The following SMARCA4 variants were observed in gnomAD, a reference collection of about 807,000 sequenced individuals.
The protein encoded by SMARCA4 is SWI/SNF related BAF chromatin remodeling complex subunit ATPase 4, also known as SWI/SNF-related matrix-associated actin-dependent regulator of chromatin subfamily A member 4.
In SMARCA4, 31 loss-of-function variants were observed where a neutral mutation model predicts 193.9. That is an observed-to-expected ratio of 0.16 (90% CI 0.12 to 0.22). The LOEUF is 0.22. SMARCA4 is among the 10% of genes least tolerant of loss of function. SMARCA4 has a pLI of 1.00. For missense variants in SMARCA4, 1,148 were observed against 2,296.0 expected (o/e 0.50, Z 10.22); for synonymous variants, 942 against 933.1 (o/e 1.01, Z -0.17).
chr19:11,032,945 A>C lies in SMARCA4; in HGVS notation c.3547-345A>C, dbSNP rs115522848. 2,114 of 404,850 alleles carry C rather than the reference A, an allele frequency of 5.2e-3. 30 individuals carry two copies. The highest frequency in any genetic ancestry group is 0.024 in the African/African-American group (1,198 of 49,034). 25.1% of individuals were successfully genotyped at this position (404,850 alleles called of 1,614,324 possible). A position where few individuals can be genotyped will look rare whatever the true frequency, so the allele number is the denominator to read the frequency against. On this transcript the variant is annotated intron_variant, in intron 25 of 34. Coordinates refer to ENST00000344626, the MANE Select transcript of SMARCA4 (RefSeq NM_003072.5). Reference sequence around the variant, plus strand: ...GGCCCCCTGTTGTAAATGGTGCTCGACTGTGTAGGTCCACGCTGTGGGGAG... The same window carrying C: ...GGCCCCCTGTTGTAAATGGTGCTCGCCTGTGTAGGTCCACGCTGTGGGGAG...
chr19:11,041,089 G>T lies in SMARCA4; in HGVS notation c.4171-218G>T, dbSNP rs2075578267. 1.8e-6 allele frequency: 1 copy of T among 560,204 alleles called. No individual in the cohort carries two copies. The highest frequency in any genetic ancestry group is 2.9e-5 in the East Asian group (1 of 34,286). The allele number at this position is 560,204 out of a possible 1,614,324, so 34.7% of individuals were successfully genotyped here. A position where few individuals can be genotyped will look rare whatever the true frequency, so the allele number is the denominator to read the frequency against. On this transcript the variant is annotated intron_variant, in intron 29 of 34. Transcript: ENST00000344626. The surrounding 1 kb of genome is among the most constrained non-coding windows in gnomAD (Gnocchi z 5.6). Reference sequence around the variant, plus strand: ...CATTAGTTTTTTAAAGACAAGCTTGGGTGGGGTGCCTGCTGGGGGCAGTGC... The same window carrying T: ...CATTAGTTTTTTAAAGACAAGCTTGTGTGGGGTGCCTGCTGGGGGCAGTGC...
At chr19:10,991,037 G>A in intron 7 of SMARCA4, 113 bp from the exon 8 acceptor site, 1 of 1,536,844 alleles carries the variant, frequency 6.5e-7, no homozygotes, top group South Asian at 1.2e-5. Context: ...GGGTGTGTAA[G>A]GCACTTACAA....
intron 30 of SMARCA4, among the ~76,000 whole-genome samples, chr19:11,052,659 T>A (rs552040869): frequency 1.3e-5 from 2 of 152,320 alleles, no homozygotes; most frequent in East Asian, 3.9e-4. Flanking sequence ...CACTCAGGAT[T>A]CCAGGACCTC....
chr19:11,015,219 A>T (rs527859697), intron 16 of SMARCA4, among the ~76,000 whole-genome samples: 2 of 152,230 alleles, frequency 1.3e-5, no homozygotes, highest in East Asian at 3.8e-4. Flanking sequence ...GAAAACCAGG[A>T]AGATAACATG....
chr19:11,055,220 C>T lies in SMARCA4; in HGVS notation c.4425-3035C>T, dbSNP rs189085623. On this transcript the variant is annotated intron_variant, in intron 30 of 34. Transcript: ENST00000344626. ...TTGTTTGTTTTTTGAGACAGAGTCT[C>T]ACTCTGTCGCCCAGGCTAGAATGCA... Among the ~76,000 whole-genome samples, 230 of 152,240 alleles carry T rather than the reference C, an allele frequency of 1.5e-3. 1 individual carries two copies. Among genetic ancestry groups the T allele is most frequent in the Non-Finnish European group, 2.6e-3 (175 of 67,996 alleles).
rs1016086502 is a variant in SMARCA4, at chr19:11,031,133, C to T, written c.3546+240C>T. The T allele has an allele frequency of 2.7e-5, 15 of 545,468 alleles. 1 individual carries two copies. The highest frequency in any genetic ancestry group is 2.0e-4 in the South Asian group (10 of 49,944). 33.8% of individuals were successfully genotyped at this position (545,468 alleles called of 1,614,324 possible). Reference sequence around the variant, plus strand: ...TTGGGAAAGCAGTGTATAAGCCATCCGTCGGTTTGGTTTTTCTTAAATCTT... The same window carrying T: ...TTGGGAAAGCAGTGTATAAGCCATCTGTCGGTTTGGTTTTTCTTAAATCTT... On this transcript the variant is annotated intron_variant, in intron 25 of 34. Transcript: ENST00000344626. The surrounding 1 kb of genome is among the most constrained non-coding windows in gnomAD (Gnocchi z 4.3).
intron 1 of SMARCA4, among the ~76,000 whole-genome samples, chr19:10,980,369 T>A (rs1400364618): frequency 6.6e-6 from 1 of 152,174 alleles, no homozygotes; most frequent in Non-Finnish European, 1.5e-5. Context: ...TTCAGTGTAC[T>A]CTGTTTTTCC....
intron 30 of SMARCA4, among the ~76,000 whole-genome samples, chr19:11,055,785 G>A (rs2076513231): frequency 6.6e-6 from 1 of 152,084 alleles, no homozygotes; most frequent in South Asian, 2.1e-4. Context: ...ATAGAAATGG[G>A]GTTTTGCCAT....
At chr19:11,059,392 T>G (rs1306435050) in intron 32 of SMARCA4, among the ~76,000 whole-genome samples, 1 of 152,222 alleles carries the variant, frequency 6.6e-6, no homozygotes, top group Non-Finnish European at 1.5e-5. Context: ...AAAAAAGACT[T>G]GACTTTGATG....
Position 11,019,755 on chromosome 19 carries a change from G to A in SMARCA4, c.2616+54G>A, listed in dbSNP as rs45565139. On this transcript the variant is annotated intron_variant, in intron 18 of 34. Coordinates refer to ENST00000344626, the MANE Select transcript of SMARCA4 (RefSeq NM_003072.5). This position sits in a 1 kb window ranked among gnomAD's most constrained non-coding sequence, Gnocchi z 6.1. ...CCATGGGCCGAGTGCTCACACGTGG[G>A]TCACGCTGCCCGTCTCCTCCAAAGC... is the stretch of plus-strand genomic sequence containing the variant. The A allele has an allele frequency of 0.029, 36,713 of 1,256,236 alleles. 703 individuals are homozygous for A. The highest frequency in any genetic ancestry group is 0.09 in the Middle Eastern group (487 of 5,398). 77.8% of individuals were successfully genotyped at this position (1,256,236 alleles called of 1,614,324 possible).
At chr19:10,995,345 AC>A (rs1308128925) in intron 9 of SMARCA4, 1 of 496,610 alleles carries the variant, frequency 2.0e-6, no homozygotes, top group East Asian at 5.5e-5. Flanking sequence ...TTTATTTGTG[AC>A]TGAGTCGCTG....
chr19:11,001,292 G>A (rs947010984), intron 11 of SMARCA4, among the ~76,000 whole-genome samples: 5 of 152,020 alleles, frequency 3.3e-5, no homozygotes, highest in African/African-American at 1.2e-4. Context: ...AACATAGGGA[G>A]ACTCTGTCTC....
chr19:11,060,240 G>A (rs1055918341), intron 34 of SMARCA4, 53 bp downstream of exon 34: 23 of 1,546,496 alleles, frequency 1.5e-5, no homozygotes, highest in Middle Eastern at 2.1e-4. Context: ...GAGGCATCCC[G>A]GGGCCCTGAT....
chr19:11,017,188 C>T (rs2089440992), intron 16 of SMARCA4, among the ~76,000 whole-genome samples: 1 of 152,244 alleles, frequency 6.6e-6, no homozygotes, highest in South Asian at 2.1e-4. Flanking sequence ...CACTTCCACC[C>T]TGTGTGTGCG....
chr19:11,061,537 G>A lies in SMARCA4; in HGVS notation c.4912-247G>A, dbSNP rs540435112. Among the ~76,000 whole-genome samples the A allele has an allele frequency of 2.1e-3, 325 of 152,192 alleles. 3 individuals carry two copies. Among genetic ancestry groups the A allele is most frequent in the African/African-American group, 7.6e-3 (315 of 41,524 alleles). On this transcript the variant is annotated intron_variant, in intron 34 of 34. Transcript: ENST00000344626. ...ACTACAGGCGCCCGCCACCACGCCC[G>A]GCTAATTTTTTGTATTTTTTAGTAG...
chr19:11,035,263 G>A (rs575759903), intron 29 of SMARCA4, 131 bp downstream of exon 29: 57 of 866,334 alleles, frequency 6.6e-5, no homozygotes, highest in Non-Finnish European at 9.3e-5. Flanking sequence ...GCCAGGCTCC[G>A]CAGGCAGCCG....
chr19:11,046,419 G>T (rs1278116209), intron 30 of SMARCA4, among the ~76,000 whole-genome samples: 1 of 152,150 alleles, frequency 6.6e-6, no homozygotes, highest in Admixed American at 6.5e-5. Flanking sequence ...TGGGGGATTT[G>T]ATCTGTGTTT....
Position 11,062,162 on chromosome 19 carries a change from G to A in SMARCA4, c.*346G>A, listed in dbSNP as rs754087248. 7 of 430,752 alleles carry A rather than the reference G, an allele frequency of 1.6e-5. No individual in the cohort carries two copies. The highest frequency in any genetic ancestry group is 3.0e-5 in the Non-Finnish European group (7 of 232,508). 26.7% of individuals were successfully genotyped at this position (430,752 alleles called of 1,614,324 possible). A position where few individuals can be genotyped will look rare whatever the true frequency, so the allele number is the denominator to read the frequency against. On this transcript the variant is annotated 3_prime_UTR_variant, in exon 35 of 35. Transcript: ENST00000344626. ...TAAGTGTGGATGCATGTGCGTCACC[G>A]TCCACTCCTCCTACTGTATTTTATT... is the stretch of plus-strand genomic sequence containing the variant.
chr19:10,978,242 C>T (rs1027232200), intron 1 of SMARCA4, among the ~76,000 whole-genome samples: 5 of 152,188 alleles, frequency 3.3e-5, no homozygotes, highest in South Asian at 4.1e-4. Flanking sequence ...TTACGGTAGA[C>T]GAGGATTTCT....
Sources: allele counts gnomAD v4.1 joint callset (sites outside exome capture counted in the v4.1 genomes callset), GRCh38; gene constraint gnomAD v4.1.1; non-coding constraint Gnocchi (gnomAD v3.1); transcripts MANE v1.5; gene names NCBI Gene and HGNC (gene_info 2026-07-23, HGNC 2026-07-21).